Variants in KLRF1 observed in about 807,000 individuals in gnomAD.
KLRF1 encodes killer cell lectin like receptor F1, also known as killer cell lectin-like receptor subfamily F member 1.
A neutral mutation model predicts 30.7 loss-of-function variants in KLRF1; 27 were observed. The ratio of observed to expected loss-of-function variants is 0.88; its 90% CI spans 0.65 to 1.21. KLRF1 has a LOEUF of 1.21. Ranked by LOEUF, KLRF1 falls within the 50% of genes most tolerant of loss-of-function variation. The pLI, the probability that KLRF1 is intolerant of heterozygous loss-of-function variation, is 0.00. For missense variants in KLRF1, 246 were observed against 259.3 expected, an observed-to-expected ratio of 0.95 and a Z score of 0.35; for synonymous variants, 92 against 89.3, an observed-to-expected ratio of 1.03 and a Z score of -0.17.
the KLRF1 span, among the ~76,000 whole-genome samples, chr12:9,810,428 T>C: frequency 6.6e-6 from 1 of 150,910 alleles, no homozygotes; most frequent in Non-Finnish European, 1.5e-5. Flanking sequence ...ATAGGTCTGA[T>C]TCACAAACTT....
the KLRF1 span, among the ~76,000 whole-genome samples, chr12:9,813,820 TG>T: frequency 1.3e-5 from 2 of 152,104 alleles, no homozygotes; most frequent in South Asian, 4.1e-4. Flanking sequence ...CGCAGACTCC[TG>T]CAGTCGTAGC....
rs1330817996 is a variant in KLRF1 at position 9,842,451 on chromosome 12, G to C, written c.587+18G>C. The C allele has an allele frequency of 1.4e-5, 22 of 1,607,854 alleles. No homozygotes were observed. The highest frequency in any genetic ancestry group is 1.9e-5 in the Non-Finnish European group (22 of 1,176,350). ...TCAAAGATGTGAGTCTTTCTTAAAA[G>C]GCAATCTGATTTATTGTTTATTGTA... On this transcript the variant is annotated intron_variant, in intron 5 of 5. Transcript: ENST00000617889.
the KLRF1 span, among the ~76,000 whole-genome samples, chr12:9,804,500 G>A: frequency 0.045 from 6,830 of 151,992 alleles, 314 homozygotes; most frequent in African/African-American, 0.12. Flanking sequence ...AATATCTAAA[G>A]AAACTATTTC....
chr12:9,820,270 G>A, the KLRF1 span, among the ~76,000 whole-genome samples: 426 of 152,310 alleles, frequency 2.8e-3, 1 homozygote, highest in Middle Eastern at 6.8e-3. Flanking sequence ...TGGAAAATCC[G>A]AGGTAACTAG....
chr12:9,819,898 G>A, the KLRF1 span, among the ~76,000 whole-genome samples: 9 of 152,328 alleles, frequency 5.9e-5, no homozygotes, highest in Admixed American at 2.6e-4. Flanking sequence ...TTGACAACAC[G>A]TCTGTACCTC....
At chr12:9,825,236 A>G (rs1409121921), upstream of KLRF1, among the ~76,000 whole-genome samples, 1 of 146,878 alleles carries the variant, frequency 6.8e-6, no homozygotes. Flanking sequence ...CAGTACTACA[A>G]TATCCAAAAT....
At chr12:9,801,602 T>A in the KLRF1 span, among the ~76,000 whole-genome samples, 1 of 152,172 alleles carries the variant, frequency 6.6e-6, no homozygotes, top group Non-Finnish European at 1.5e-5. Context: ...TGACAAGTGA[T>A]GTTGAGCTTT....
At chr12:9,822,470 AAAGG>A in the KLRF1 span, among the ~76,000 whole-genome samples, 1 of 152,210 alleles carries the variant, frequency 6.6e-6, no homozygotes, top group African/African-American at 2.4e-5. Context: ...AAAAGAATGA[AAAGG>A]AAGGAACAAA....
At chr12:9,809,432 A>G in the KLRF1 span, among the ~76,000 whole-genome samples, 3 of 152,146 alleles carry the variant, frequency 2.0e-5, no homozygotes, top group Non-Finnish European at 4.4e-5. Context: ...CCTACTTTTA[A>G]GAGTACAGAT....
the KLRF1 span, among the ~76,000 whole-genome samples, chr12:9,805,415 A>G: frequency 6.6e-6 from 1 of 152,004 alleles, no homozygotes; most frequent in Non-Finnish European, 1.5e-5. Flanking sequence ...AGCCCTTTTA[A>G]TAAGGTCACC....
chr12:9,825,658 AAAAC>A (rs1247683975), upstream of KLRF1, among the ~76,000 whole-genome samples: 6 of 151,826 alleles, frequency 4.0e-5, no homozygotes, highest in Non-Finnish European at 7.4e-5. Context: ...GAAACAAAAC[AAAAC>A]AAACAAACAA....
the KLRF1 span, among the ~76,000 whole-genome samples, chr12:9,804,843 G>A: frequency 6.6e-6 from 1 of 151,936 alleles, no homozygotes; most frequent in African/African-American, 2.4e-5. Flanking sequence ...TTTCAGCATA[G>A]AAGAGTGTTT....
chr12:9,837,517 A>G (rs1271507980), intron 3 of KLRF1, among the ~76,000 whole-genome samples: 1 of 152,126 alleles, frequency 6.6e-6, no homozygotes, highest in Non-Finnish European at 1.5e-5. Context: ...CTGAGCATGC[A>G]TCCAGCTCAG....
At chr12:9,829,351 A>G (rs116744588) in intron 1 of KLRF1, among the ~76,000 whole-genome samples, 3,093 of 152,334 alleles carry the variant, frequency 0.02, 94 homozygotes, top group African/African-American at 0.07. Context: ...TGAAGACACT[A>G]ACAATACCTA....
chr12:9,826,487 C>G (rs1016378468), upstream of KLRF1, among the ~76,000 whole-genome samples: 1 of 152,060 alleles, frequency 6.6e-6, no homozygotes, highest in Non-Finnish European at 1.5e-5. Context: ...CCTTAAAGAC[C>G]TAAAACCAGA....
chr12:9,832,155 A>G (rs2232545), intron 1 of KLRF1, among the ~76,000 whole-genome samples, 161 bp from the exon 2 acceptor site: 2,305 of 152,272 alleles, frequency 0.015, 55 homozygotes, highest in African/African-American at 0.052. Flanking sequence ...TGTTAAATAA[A>G]TGTATATATT....
At chr12:9,837,382 ATC>A (rs1343571508) in intron 3 of KLRF1, among the ~76,000 whole-genome samples, 1 of 151,598 alleles carries the variant, frequency 6.6e-6, no homozygotes, top group Non-Finnish European at 1.5e-5. Context: ...ATTTATATGT[ATC>A]TCTATATCTA....
At chr12:9,823,644 T>G (rs923619018), upstream of KLRF1, among the ~76,000 whole-genome samples, 1 of 151,342 alleles carries the variant, frequency 6.6e-6, no homozygotes, top group African/African-American at 2.4e-5. Context: ...AAATCAGAGC[T>G]GAACGGAAAG....
chr12:9,818,104 T>G, the KLRF1 span: 11 of 182,600 alleles, frequency 6.0e-5, no homozygotes, highest in Admixed American at 5.9e-4. Flanking sequence ...TCGTCACTGC[T>G]TATTTAGAAT....
Sources: gnomAD v4.1 joint callset for allele counts (sites outside exome capture counted in the v4.1 genomes callset) on GRCh38, gnomAD v4.1.1 for gene constraint, MANE v1.5 for transcripts, NCBI Gene and HGNC (gene_info 2026-07-23, HGNC 2026-07-21) for gene names.